TMEM131L: variants seen among roughly 807,000 people sequenced by gnomAD.
TMEM131L encodes transmembrane 131 like, also known as transmembrane protein 131-like.
A neutral mutation model predicts 192.2 loss-of-function variants in TMEM131L; 54 were observed. The observed-to-expected ratio is 0.28, with a 90% CI of 0.23 to 0.35. The LOEUF is 0.35. Among genes scored for constraint, TMEM131L ranks in the 10% least tolerant of loss-of-function variants. The pLI, the probability that TMEM131L is intolerant of heterozygous loss-of-function variation, is 1.00. For missense variants in TMEM131L, 1,888 were observed against 1,972.9 expected, an observed-to-expected ratio of 0.96 and a Z score of 0.82; for synonymous variants, 701 against 704.9, an observed-to-expected ratio of 0.99 and a Z score of 0.09.
At chr4:153,529,962 GTAGTTTA>G (rs1288902954) in intron 3 of TMEM131L, among the ~76,000 whole-genome samples, 1 of 151,502 alleles carries the variant, frequency 6.6e-6, no homozygotes, top group Non-Finnish European at 1.5e-5. Context: ...TCAAATCTAA[GTAGTTTA>G]TAGTTCATAT....
Position 153,621,867 on chromosome 4 carries a change from G to A in TMEM131L, c.3859+18G>A, listed in dbSNP as rs201545242. Reference sequence around the variant, plus strand: ...AGAGGCAGGTATGTAATGATACTGAGCTACAAATGGTGCTTCTGTGGGAAT... The same window carrying A: ...AGAGGCAGGTATGTAATGATACTGAACTACAAATGGTGCTTCTGTGGGAAT... On this transcript the variant is annotated intron_variant, in intron 28 of 34. Transcript: ENST00000409959. The A allele has an allele frequency of 2.3e-3, 3,638 of 1,610,726 alleles. 15 individuals carry two copies. Among genetic ancestry groups the A allele is most frequent in the Non-Finnish European group, 2.6e-3 (3,048 of 1,177,884 alleles).
chr4:153,483,934 A>T (rs567060310), intron 3 of TMEM131L, among the ~76,000 whole-genome samples: 2 of 152,098 alleles, frequency 1.3e-5, no homozygotes, highest in Non-Finnish European at 2.9e-5. Flanking sequence ...TACTTTTTGG[A>T]TGGATCCCAA....
chr4:153,525,281 G>C (rs1735389514), intron 3 of TMEM131L, among the ~76,000 whole-genome samples: 1 of 152,174 alleles, frequency 6.6e-6, no homozygotes, highest in African/African-American at 2.4e-5. Flanking sequence ...AGTACCTCTA[G>C]AGCCAGTGCC....
intron 9 of TMEM131L, among the ~76,000 whole-genome samples, chr4:153,582,949 C>G (rs1414449978): frequency 6.6e-6 from 1 of 151,356 alleles, no homozygotes; most frequent in Non-Finnish European, 1.5e-5. Flanking sequence ...AGTTCCTCAT[C>G]ATTTAGAGGG....
chr4:153,636,253 CTTTTT>C (rs3214684), intron 34 of TMEM131L, 43 bp from the exon 35 acceptor site: 65 of 1,489,640 alleles, frequency 4.4e-5, no homozygotes, highest in Non-Finnish European at 5.5e-5. Context: ...CTTTCTAAGG[CTTTTT>C]TTTTTCTTTT....
chr4:153,533,106 C>G (rs960619356), intron 3 of TMEM131L, among the ~76,000 whole-genome samples: 6 of 151,898 alleles, frequency 4.0e-5, no homozygotes, highest in African/African-American at 1.5e-4. Context: ...CCTGCCTCAG[C>G]TTCCCAAGTA....
At chr4:153,636,017 C>T (rs1477884924) in intron 34 of TMEM131L, among the ~76,000 whole-genome samples, 1 of 152,148 alleles carries the variant, frequency 6.6e-6, no homozygotes, top group Non-Finnish European at 1.5e-5. Context: ...GATGGCTTCT[C>T]CTTTCACATC....
intron 3 of TMEM131L, among the ~76,000 whole-genome samples, chr4:153,505,141 C>G (rs1268935786): frequency 6.7e-6 from 1 of 148,480 alleles, no homozygotes; most frequent in Non-Finnish European, 1.5e-5. Context: ...GAGTCTCGCT[C>G]TGTTGCCCAG....
chr4:153,469,858 G>A (rs112648281), intron 2 of TMEM131L, among the ~76,000 whole-genome samples: 4,969 of 152,128 alleles, frequency 0.033, 110 homozygotes, highest in South Asian at 0.07. Context: ...CCTGGGAGGC[G>A]GAGGTTACAG....
At chr4:153,625,542 A>G (rs751798763) in intron 29 of TMEM131L, among the ~76,000 whole-genome samples, 23 of 152,296 alleles carry the variant, frequency 1.5e-4, no homozygotes, top group Non-Finnish European at 3.4e-4. Flanking sequence ...TGAAGGTTAT[A>G]TAATAGTAGG....
intron 3 of TMEM131L, among the ~76,000 whole-genome samples, chr4:153,524,047 C>T (rs747163381): frequency 4.6e-5 from 7 of 151,686 alleles, no homozygotes; most frequent in Non-Finnish European, 1.0e-4. Flanking sequence ...GAATAAAAGT[C>T]GTCATCACCC....
intron 27 of TMEM131L, 23 bp from the exon 28 acceptor site, chr4:153,621,660 T>TTGTG: frequency 6.2e-7 from 1 of 1,602,002 alleles, no homozygotes; most frequent in Non-Finnish European, 8.5e-7. Context: ...ATGTGTTTTT[T>TTGTG]TGTGTGTGTG....
intron 17 of TMEM131L, 145 bp from the exon 18 acceptor site, chr4:153,592,330 G>T (rs918926836): frequency 3.4e-5 from 21 of 618,642 alleles, no homozygotes; most frequent in African/African-American, 3.1e-4. Context: ...TTTTTGAAGC[G>T]TGCTGGCCAT....
At chr4:153,471,136 C>T (rs574905323) in intron 2 of TMEM131L, among the ~76,000 whole-genome samples, 2 of 152,008 alleles carry the variant, frequency 1.3e-5, no homozygotes, top group Admixed American at 1.3e-4. Context: ...TACAGGCATG[C>T]GCCACCATGC....
At chr4:153,513,305 T>C (rs1427053239) in intron 3 of TMEM131L, among the ~76,000 whole-genome samples, 1 of 152,250 alleles carries the variant, frequency 6.6e-6, no homozygotes, top group Non-Finnish European at 1.5e-5. Flanking sequence ...AGAAGCTTAT[T>C]TGTGTTGGCT....
At chr4:153,530,009 A>G (rs1735773760) in intron 3 of TMEM131L, among the ~76,000 whole-genome samples, 1 of 151,818 alleles carries the variant, frequency 6.6e-6, no homozygotes. Context: ...TGCAGCCTCT[A>G]AAATTCTTGC....
chr4:153,601,258 G>A (rs1266589295), intron 21 of TMEM131L, among the ~76,000 whole-genome samples: 4 of 151,910 alleles, frequency 2.6e-5, no homozygotes, highest in East Asian at 3.9e-4. Flanking sequence ...CAGACCTGTC[G>A]CCATAGCTCA....
At position 153,593,887 on chromosome 4, in the gene TMEM131L, A is replaced by G; in HGVS notation, c.1995+16A>G. The G allele has an allele frequency of 6.4e-7, 1 of 1,571,262 alleles. No homozygotes were observed. Among genetic ancestry groups the G allele is most frequent in the Non-Finnish European group, 8.8e-7 (1 of 1,140,940 alleles). ...CCCTTACCTGGTAGGATGTTATCCT[A>G]AAACAGAAAAAAGAATGCCGACAAA... On this transcript the variant is annotated intron_variant, in intron 19 of 34. Coordinates refer to ENST00000409959, the MANE Select transcript of TMEM131L (RefSeq NM_001131007.2).
chr4:153,606,272 G>A (rs1399889512), intron 25 of TMEM131L, among the ~76,000 whole-genome samples: 1 of 152,204 alleles, frequency 6.6e-6, no homozygotes, highest in Non-Finnish European at 1.5e-5. Flanking sequence ...CACAGTCTTT[G>A]ACATAGGATG....
Sources: allele counts gnomAD v4.1 joint callset (sites outside exome capture counted in the v4.1 genomes callset), GRCh38; gene constraint gnomAD v4.1.1; transcripts MANE v1.5; gene names NCBI Gene and HGNC (gene_info 2026-07-23, HGNC 2026-07-21).